CACNA1C: variants seen among roughly 807,000 people sequenced by gnomAD.
CACNA1C encodes voltage-dependent L-type calcium channel subunit alpha-1C.
A neutral mutation model predicts 229.0 loss-of-function variants in CACNA1C; 30 were observed. That is an observed-to-expected ratio of 0.13 (90% CI 0.10 to 0.18). CACNA1C has a LOEUF of 0.18. CACNA1C is among the 10% of genes least tolerant of loss of function. The pLI is 1.00. For synonymous variants in CACNA1C, 1,114 were observed against 1,132.5 expected, an observed-to-expected ratio of 0.98 and a Z score of 0.33; for missense variants, 1,658 against 2,845.0, an observed-to-expected ratio of 0.58 and a Z score of 9.49.
Position 2,255,268 on chromosome 12 carries a change from GA to G in CACNA1C, c.477+134856del, listed in dbSNP as rs746929189. On this transcript the variant is annotated intron_variant, in intron 3 of 46. Transcript: ENST00000399655. ...ATGGGATGCTCAGCATTCTGCTGCA[GA>G]AAAAAAAAAAAAAAAAACCTAGTTA... is the stretch of plus-strand genomic sequence containing the variant. 7.5e-3 allele frequency among the ~76,000 whole-genome samples: 714 copies of G among 95,644 alleles called. 2 individuals are homozygous for G. The highest frequency in any genetic ancestry group is 0.022 in the East Asian group (64 of 2,918). 62.7% of individuals were successfully genotyped at this position (95,644 alleles called of 152,430 possible). A position where few individuals can be genotyped will look rare whatever the true frequency, so the allele number is the denominator to read the frequency against.
intron 1 of CACNA1C, among the ~76,000 whole-genome samples, chr12:1,995,122 T>C (rs2040481510): frequency 1.3e-5 from 2 of 152,160 alleles, no homozygotes; most frequent in Non-Finnish European, 2.9e-5. Flanking sequence ...ATTAGAGACT[T>C]AGAGTATAGT....
In CACNA1C at chr12:2,137,180, C is replaced by G. The variant is rs146952242; in HGVS notation, c.477+16750C>G. On this transcript the variant is annotated intron_variant, in intron 3 of 46. Transcript: ENST00000399655. ...ACATCGAAGAGCTACGGCCTGAACA[C>G]CAGGATGTGGGATGGGTAGTAAGAG... Among the ~76,000 whole-genome samples the G allele has an allele frequency of 6.5e-4, 98 of 151,438 alleles. No homozygotes were observed. In the East Asian group the frequency reaches 7.7e-3, roughly 12 times the overall value.
intron 3 of CACNA1C, among the ~76,000 whole-genome samples, chr12:2,336,615 T>C (rs574930736): frequency 6.6e-6 from 1 of 152,324 alleles, no homozygotes; most frequent in East Asian, 1.9e-4. Flanking sequence ...AAACAACCGT[T>C]TAAATAGGAA....
chr12:2,610,236 A>C (rs2077061234), intron 27 of CACNA1C, among the ~76,000 whole-genome samples: 1 of 152,182 alleles, frequency 6.6e-6, no homozygotes, highest in Non-Finnish European at 1.5e-5. Context: ...CTCCCTGCCG[A>C]GGCACATGCC....
Position 2,677,618 on chromosome 12 carries a change from C to T in CACNA1C, c.4957-115C>T, listed in dbSNP as rs2096890105. The T allele has an allele frequency of 8.3e-7, 1 of 1,211,962 alleles. No homozygotes were observed. The highest frequency in any genetic ancestry group is 1.2e-6 in the Non-Finnish European group (1 of 853,448). The allele number at this position is 1,211,962 out of a possible 1,614,324, so 75.1% of individuals were successfully genotyped here. On this transcript the variant is annotated intron_variant, in intron 40 of 46. Transcript: ENST00000399655. The surrounding 1 kb of genome is among the most constrained non-coding windows in gnomAD (Gnocchi z 7.4). ...ACAAACCTTCCGGAGGGTCGACTGG[C>T]TGGGTGGAGGATGCCAGGGCCCTGG... is the stretch of plus-strand genomic sequence containing the variant.
chr12:2,593,465 G>A (rs1267522872), intron 19 of CACNA1C, 120 bp downstream of exon 19: 8 of 947,004 alleles, frequency 8.4e-6, no homozygotes, highest in Non-Finnish European at 9.2e-6. Context: ...CTTGCAAATT[G>A]TATAAACAGG....
chr12:2,054,482 C>T lies in CACNA1C; in HGVS notation c.49+871C>T, dbSNP rs2053803575. ...TTGCCCAGTGTTTTCCGAGCATCTCCATCCTTGGCCGCGAGTGTCACCAGC... is the reference window on the plus strand; with the variant it reads ...TTGCCCAGTGTTTTCCGAGCATCTCTATCCTTGGCCGCGAGTGTCACCAGC... On this transcript the variant is annotated intron_variant, in intron 1 of 46. Transcript: ENST00000399655. The surrounding 1 kb of genome is among the most constrained non-coding windows in gnomAD (Gnocchi z 5.5). Among the ~76,000 whole-genome samples the T allele has an allele frequency of 6.6e-6, 1 of 152,188 alleles. No individual in the cohort carries two copies. Among genetic ancestry groups the T allele is most frequent in the African/African-American group, 2.4e-5 (1 of 41,442 alleles).
At chr12:2,381,568 G>T (rs1031474404) in intron 3 of CACNA1C, among the ~76,000 whole-genome samples, 4 of 152,186 alleles carry the variant, frequency 2.6e-5, no homozygotes, top group Non-Finnish European at 4.4e-5. Flanking sequence ...GGGAAGCCTG[G>T]CTCCTTGCCT....
rs1178805403 is a variant in CACNA1C, at chr12:2,649,618, G to A, written c.3945+1111G>A. ...GCAGCATTAGGAAACTGCAGCCACA[G>A]GGGAGGGCTCTGAACAGTGGAATGG... On this transcript the variant is annotated intron_variant, in intron 31 of 46. Transcript: ENST00000399655. This position sits in a 1 kb window ranked among gnomAD's most constrained non-coding sequence, Gnocchi z 4.4. Among the ~76,000 whole-genome samples, 1 of 152,172 alleles carries A rather than the reference G, an allele frequency of 6.6e-6. No individual in the cohort carries two copies. The highest frequency in any genetic ancestry group is 1.5e-5 in the Non-Finnish European group (1 of 68,050).
intron 3 of CACNA1C, among the ~76,000 whole-genome samples, chr12:2,147,769 A>G (rs1373928617): frequency 5.9e-5 from 8 of 134,512 alleles, no homozygotes; most frequent in Non-Finnish European, 9.4e-5. Flanking sequence ...TCTACTCTCA[A>G]ATGTTTTGGG....
At chr12:2,229,343 A>G (rs1392348335) in intron 3 of CACNA1C, among the ~76,000 whole-genome samples, 1 of 152,170 alleles carries the variant, frequency 6.6e-6, no homozygotes, top group African/African-American at 2.4e-5. Flanking sequence ...CAGCCTTGAT[A>G]TGCACACCTA....
intron 3 of CACNA1C, among the ~76,000 whole-genome samples, chr12:2,423,380 G>A (rs1056687469): frequency 2.0e-5 from 3 of 152,162 alleles, no homozygotes; most frequent in Non-Finnish European, 4.4e-5. Context: ...AAACTGCCTG[G>A]GTTCAAGCAC....
intron 3 of CACNA1C, among the ~76,000 whole-genome samples, chr12:2,154,582 A>G (rs2095458421): frequency 6.6e-6 from 1 of 152,136 alleles, no homozygotes; most frequent in Non-Finnish European, 1.5e-5. Flanking sequence ...GTTTGCAGCT[A>G]CAACTCCAAG....
chr12:2,567,843 C>T (rs902113254), intron 13 of CACNA1C, 49 bp downstream of exon 13: 2 of 1,203,864 alleles, frequency 1.7e-6, no homozygotes, highest in Non-Finnish European at 2.4e-6. Flanking sequence ...GGAAGAAGTT[C>T]TTCCAGAGGG....
chr12:2,088,737 A>G lies in CACNA1C; in HGVS notation c.50-26487A>G, dbSNP rs1312170510. Among the ~76,000 whole-genome samples the G allele has an allele frequency of 2.6e-5, 4 of 152,152 alleles. No homozygotes were observed. The East Asian group carries it at 7.7e-4, about 29-fold the overall frequency. On this transcript the variant is annotated intron_variant, in intron 1 of 46. Coordinates refer to ENST00000399655, the MANE Select transcript of CACNA1C (RefSeq NM_000719.7). ...CAGAGCAGCCTTCGTGCTTGCAGACATGCGGAGAAGGACCTTCCCACTGTC... is the reference window on the plus strand; with the variant it reads ...CAGAGCAGCCTTCGTGCTTGCAGACGTGCGGAGAAGGACCTTCCCACTGTC...
chr12:2,480,376 C>T (rs1326085141), intron 5 of CACNA1C, among the ~76,000 whole-genome samples: 2 of 152,194 alleles, frequency 1.3e-5, no homozygotes, highest in African/African-American at 4.8e-5. Context: ...GCCTCCATGC[C>T]AAAGGAGGAC....
At chr12:2,040,538 G>A (rs891354262) in intron 1 of CACNA1C, among the ~76,000 whole-genome samples, 2 of 152,282 alleles carry the variant, frequency 1.3e-5, no homozygotes, top group African/African-American at 2.4e-5. Flanking sequence ...TGGAGATGTC[G>A]AATACCTTGA....
At chr12:2,206,166 T>C (rs1400539384) in intron 3 of CACNA1C, among the ~76,000 whole-genome samples, 3 of 152,192 alleles carry the variant, frequency 2.0e-5, no homozygotes, top group East Asian at 3.9e-4. Context: ...TGCAGCATCC[T>C]GGGAGCCTGC....
At chr12:2,089,860 C>T (rs1176296906) in intron 1 of CACNA1C, among the ~76,000 whole-genome samples, 2 of 113,350 alleles carry the variant, frequency 1.8e-5, no homozygotes, top group African/African-American at 7.0e-5. Flanking sequence ...TAGTGAAACC[C>T]CTACTAAAAA....
Sources: gnomAD v4.1 joint callset for allele counts (sites outside exome capture counted in the v4.1 genomes callset) on GRCh38, gnomAD v4.1.1 for gene constraint, Gnocchi (gnomAD v3.1) non-coding constraint, MANE v1.5 for transcripts, NCBI Gene and HGNC (gene_info 2026-07-23, HGNC 2026-07-21) for gene names.